The following QTGAL variants were observed in gnomAD, a reference collection of about 807,000 sequenced individuals.
The protein encoded by QTGAL is queuosine-tRNA galactosyltransferase, also known as BGnT-like protein 1.
At chr17:82,961,968 AT>A in the QTGAL span, among the ~76,000 whole-genome samples, 37,373 of 151,986 alleles carry the variant, frequency 0.25, 4,886 homozygotes, top group East Asian at 0.41. Flanking sequence ...GCTTTCTTAA[AT>A]TCAAACAAAA....
chr17:83,024,517 T>G, the QTGAL span, among the ~76,000 whole-genome samples: 13 of 152,232 alleles, frequency 8.5e-5, no homozygotes, highest in African/African-American at 3.1e-4. Context: ...GTGTGGGGCC[T>G]CAGCTGTTGA....
chr17:82,981,213 T>C, the QTGAL span: 2 of 152,214 alleles, frequency 1.3e-5, no homozygotes, highest in African/African-American at 4.8e-5. Flanking sequence ...GTAGGCCCTT[T>C]AGCAATACAG....
the QTGAL span, among the ~76,000 whole-genome samples, chr17:82,980,114 CT>C: frequency 6.6e-6 from 1 of 152,166 alleles, no homozygotes; most frequent in African/African-American, 2.4e-5. Flanking sequence ...AACTATAAAA[CT>C]TTTAGAAGAA....
At chr17:82,963,691 A>G in the QTGAL span, among the ~76,000 whole-genome samples, 1 of 152,148 alleles carries the variant, frequency 6.6e-6, no homozygotes, top group South Asian at 2.1e-4. Context: ...GTGGGTCTAG[A>G]GCATTGAAGA....
the QTGAL span, among the ~76,000 whole-genome samples, chr17:83,048,238 C>T: frequency 6.6e-6 from 1 of 152,152 alleles, no homozygotes; most frequent in Non-Finnish European, 1.5e-5. Context: ...ATGTTGGCCA[C>T]GCTGGTCTTG....
chr17:83,007,899 T>G, the QTGAL span, among the ~76,000 whole-genome samples: 1 of 152,182 alleles, frequency 6.6e-6, no homozygotes, highest in Non-Finnish European at 1.5e-5. Context: ...CAACATTTTT[T>G]AACCTTGGAA....
At chr17:82,954,753 A>C in the QTGAL span, among the ~76,000 whole-genome samples, 18 of 152,374 alleles carry the variant, frequency 1.2e-4, no homozygotes, top group Non-Finnish European at 2.1e-4. Flanking sequence ...TACAGTAACC[A>C]AAACAGCATG....
chr17:82,958,115 G>A, the QTGAL span, among the ~76,000 whole-genome samples: 3 of 151,604 alleles, frequency 2.0e-5, no homozygotes, highest in African/African-American at 7.3e-5. Context: ...GTGCCCCATC[G>A]CTGTCTGCCT....
chr17:82,971,363 C>G, the QTGAL span, among the ~76,000 whole-genome samples: 1 of 152,206 alleles, frequency 6.6e-6, no homozygotes, highest in Non-Finnish European at 1.5e-5. Flanking sequence ...GCTCAGTCAG[C>G]ACAGAGCACT....
the QTGAL span, among the ~76,000 whole-genome samples, chr17:82,982,790 T>C: frequency 6.6e-6 from 1 of 152,204 alleles, no homozygotes; most frequent in Non-Finnish European, 1.5e-5. Context: ...GATTGTCGTG[T>C]TGATCTGGAA....
At chr17:83,051,300 G>GGCGGGAGCGAGGCAGGTGT in the QTGAL span, among the ~76,000 whole-genome samples, 3 of 148,720 alleles carry the variant, frequency 2.0e-5, no homozygotes, top group African/African-American at 7.5e-5. Context: ...GCAGGAGCGA[G>GGCGGGAGCGAGGCAGGTGT]GCGGGAGCGA....
At chr17:83,000,741 A>G in the QTGAL span, among the ~76,000 whole-genome samples, 1 of 152,210 alleles carries the variant, frequency 6.6e-6, no homozygotes, top group Non-Finnish European at 1.5e-5. Flanking sequence ...ACTTGCTGAG[A>G]AAAACCCAAG....
the QTGAL span, among the ~76,000 whole-genome samples, chr17:83,009,281 G>A: frequency 1.1e-4 from 17 of 152,116 alleles, no homozygotes; most frequent in East Asian, 1.9e-4. Flanking sequence ...AAAATTAGCC[G>A]GGCGTGGTGG....
the QTGAL span, chr17:83,005,843 T>G: frequency 5.3e-6 from 7 of 1,321,478 alleles, no homozygotes; most frequent in Non-Finnish European, 6.0e-6. This position sits in a 1 kb window ranked among gnomAD's most constrained non-coding sequence, Gnocchi z 5.6. Context: ...TTCTCAACCC[T>G]TCCCCCGCCC....
the QTGAL span, among the ~76,000 whole-genome samples, chr17:83,009,403 A>C: frequency 6.6e-6 from 1 of 151,972 alleles, no homozygotes; most frequent in African/African-American, 2.4e-5. Flanking sequence ...CAGCCTGGGC[A>C]ACGGAGCAAG....
At chr17:82,956,818 C>T in the QTGAL span, 1 of 1,546,744 alleles carries the variant, frequency 6.5e-7, no homozygotes, top group Non-Finnish European at 8.8e-7. The surrounding 1 kb of genome is among the most constrained non-coding windows in gnomAD (Gnocchi z 5.7). Context: ...GAGCTTGTCC[C>T]CGGAGAGACG....
the QTGAL span, among the ~76,000 whole-genome samples, chr17:82,966,042 T>G: frequency 6.6e-6 from 1 of 151,816 alleles, no homozygotes; most frequent in African/African-American, 2.4e-5. Context: ...CCCAGGTAGC[T>G]GGGACCACAG....
the QTGAL span, among the ~76,000 whole-genome samples, chr17:83,024,114 CAG>C: frequency 3.4e-5 from 5 of 148,838 alleles, no homozygotes; most frequent in Non-Finnish European, 5.9e-5. Flanking sequence ...AAAGGCTAAA[CAG>C]GGGTGAACGC....
the QTGAL span, chr17:82,948,709 C>T: frequency 2.6e-5 from 4 of 152,366 alleles, no homozygotes; most frequent in Admixed American, 2.6e-4. Flanking sequence ...CGTTCACAAC[C>T]AACATAGACG....
Sources: gnomAD v4.1 joint callset for allele counts (sites outside exome capture counted in the v4.1 genomes callset) on GRCh38, gnomAD v4.1.1 for gene constraint, Gnocchi (gnomAD v3.1) non-coding constraint, MANE v1.5 for transcripts, NCBI Gene and HGNC (gene_info 2026-07-23, HGNC 2026-07-21) for gene names.